Variants in ECPAS observed in about 807,000 individuals in gnomAD.
The protein encoded by ECPAS is proteasome adapter and scaffold protein ECM29.
A neutral mutation model predicts 255.1 loss-of-function variants in ECPAS; 70 were observed. That is an observed-to-expected ratio of 0.27 (90% CI 0.23 to 0.33). The LOEUF (loss-of-function observed/expected upper bound fraction) is 0.33, where lower values mean the gene tolerates loss of function less well. ECPAS is among the 10% of genes least tolerant of loss of function. The probability of loss-of-function intolerance (pLI) is 1.00; values close to 1 mark genes in which losing one functional copy is unlikely to be tolerated. For missense variants in ECPAS, 1,817 were observed against 2,206.4 expected (o/e 0.82, Z 3.54); for synonymous variants, 784 against 775.0 (o/e 1.01, Z -0.19).
intron 24 of ECPAS, among the ~76,000 whole-genome samples, chr9:111,399,301 A>G (rs137861472): frequency 6.6e-6 from 1 of 152,360 alleles, no homozygotes; most frequent in African/African-American, 2.4e-5. Flanking sequence ...AAATCAGGTG[A>G]GACATCACAG....
chr9:111,455,253 G>A (rs113191879), intron 2 of ECPAS, among the ~76,000 whole-genome samples: 7,383 of 152,258 alleles, frequency 0.048, 602 homozygotes, highest in African/African-American at 0.17. Flanking sequence ...GGGAGGCCAA[G>A]GAGGGCAGAT....
In ECPAS at chr9:111,361,569, T is replaced by A. The variant is rs2098113324; in HGVS notation, c.*461A>T. ...GGCCAGACATTAAACACCTGGGTTC[T>A]GACTTTGGCACAGGCCTCAGAAAGC... On this transcript the variant is annotated 3_prime_UTR_variant, in exon 50 of 50. Transcript: ENST00000684092. 6.6e-6 allele frequency: 1 copy of A among 152,576 alleles called. No homozygotes were observed. Among genetic ancestry groups the A allele is most frequent in the African/African-American group, 2.4e-5 (1 of 41,474 alleles). The allele number at this position is 152,576 out of a possible 1,614,324, so 9.5% of individuals were successfully genotyped here.
chr9:111,371,433 C>T (rs10521103), intron 43 of ECPAS, among the ~76,000 whole-genome samples, 188 bp downstream of exon 43: 3,613 of 152,216 alleles, frequency 0.024, 148 homozygotes, highest in African/African-American at 0.082. Flanking sequence ...CAAGGCCACA[C>T]GGGTTGCAGT....
intron 2 of ECPAS, among the ~76,000 whole-genome samples, chr9:111,456,715 T>G (rs1013412667): frequency 5.3e-5 from 8 of 152,178 alleles, no homozygotes; most frequent in Admixed American, 4.6e-4. Flanking sequence ...TCTCTCCTCC[T>G]TCAAGGCCCA....
In ECPAS at chr9:111,433,295, G is replaced by T; in HGVS notation, c.786C>A (p.Ala262=). 6.2e-7 allele frequency: 1 copy of T among 1,613,976 alleles called. No individual in the cohort carries two copies. The highest frequency in any genetic ancestry group is 8.5e-7 in the Non-Finnish European group (1 of 1,179,858). ...CCACACTGTGGCGTGTATCACTAGA[G>T]GCAATCACCAAGTGGAGAACAGCTT... ...ELEAVLHLVI[A]SSDTRHSVAT... Residue 262 remains alanine (A), a synonymous_variant, in exon 8 of 50, where the codon GCC becomes GCA. Coordinates refer to ENST00000684092, the MANE Select transcript of ECPAS (RefSeq NM_001364929.1).
At chr9:111,374,108 A>C in intron 38 of ECPAS, 70 bp from the exon 39 acceptor site, 1 of 1,219,232 alleles carries the variant, frequency 8.2e-7, no homozygotes, top group Non-Finnish European at 1.2e-6. Flanking sequence ...CCATTGGCTT[A>C]GGTGCCAAAA....
At chr9:111,438,294 T>G (rs969002045) in intron 6 of ECPAS, among the ~76,000 whole-genome samples, 4 of 152,196 alleles carry the variant, frequency 2.6e-5, no homozygotes, top group African/African-American at 9.7e-5. Flanking sequence ...TGGCATTAAG[T>G]AAATCAATCA....
At chr9:111,370,842 A>C in intron 43 of ECPAS, 77 bp from the exon 44 acceptor site, 1 of 1,352,228 alleles carries the variant, frequency 7.4e-7, no homozygotes, top group African/African-American at 1.5e-5. Context: ...GATTACAATT[A>C]CCTTAGGAAT....
At chr9:111,439,806 T>C (rs551651439) in intron 6 of ECPAS, among the ~76,000 whole-genome samples, 2 of 151,590 alleles carry the variant, frequency 1.3e-5, no homozygotes, top group Admixed American at 6.6e-5. Context: ...TGTAGAGAGA[T>C]TTGAAGAAGT....
intron 1 of ECPAS, among the ~76,000 whole-genome samples, chr9:111,477,851 C>T (rs1189091174): frequency 6.6e-6 from 1 of 151,364 alleles, no homozygotes; most frequent in Non-Finnish European, 1.5e-5. Context: ...ATAACAAATG[C>T]TAACAATAAC....
chr9:111,420,077 G>C lies in ECPAS; in HGVS notation c.1499C>G (p.Thr500Arg), dbSNP rs552829020. 21 of 1,612,582 alleles carry C rather than the reference G, an allele frequency of 1.3e-5. 1 individual carries two copies. The South Asian group carries it at 2.3e-4, about 18-fold the overall frequency. The change falls in exon 16 of 50, where the codon ACG becomes AGG. Residue 500 changes from threonine (T) to arginine (R), a missense_variant. By Grantham distance (71) the Thr-to-Arg change is moderately conservative. Coordinates refer to ENST00000684092, the MANE Select transcript of ECPAS (RefSeq NM_001364929.1). ...VRQVAVKFASTVFPSDHIPSR... is the reference protein window; with the variant it reads ...VRQVAVKFASRVFPSDHIPSR... Reference sequence around the variant, plus strand: ...AGGGATATGATCTGAGGGAAACACCGTACTGGCAAATTTCACAGCCACTTG... The same window carrying C: ...AGGGATATGATCTGAGGGAAACACCCTACTGGCAAATTTCACAGCCACTTG...
At chr9:111,407,735 C>T (rs920829937) in intron 24 of ECPAS, among the ~76,000 whole-genome samples, 3 of 152,146 alleles carry the variant, frequency 2.0e-5, no homozygotes, top group African/African-American at 4.8e-5. Context: ...TTACACCTTC[C>T]TTTGTGATTC....
intron 9 of ECPAS, among the ~76,000 whole-genome samples, chr9:111,428,600 T>C (rs1014866810): frequency 3.3e-5 from 5 of 152,188 alleles, no homozygotes; most frequent in African/African-American, 1.2e-4. Context: ...TTGAAATAAG[T>C]AACAAAAACC....
At chr9:111,383,149 A>T in intron 35 of ECPAS, 62 bp downstream of exon 35, 1 of 1,585,186 alleles carries the variant, frequency 6.3e-7, no homozygotes, top group South Asian at 1.1e-5. Context: ...TAACCTTGAA[A>T]GAAACACAAT....
At chr9:111,423,299 A>G in intron 12 of ECPAS, 51 bp from the exon 13 acceptor site, 1 of 1,308,808 alleles carries the variant, frequency 7.6e-7, no homozygotes, top group African/African-American at 1.5e-5. Context: ...AAAACAGACA[A>G]AACAAAAAAT....
chr9:111,399,159 T>C (rs1342997970), intron 24 of ECPAS, among the ~76,000 whole-genome samples: 2 of 151,922 alleles, frequency 1.3e-5, no homozygotes, highest in African/African-American at 2.4e-5. Flanking sequence ...CCCATAAATA[T>C]ATACACCCAC....
intron 2 of ECPAS, among the ~76,000 whole-genome samples, chr9:111,466,802 T>C (rs1564565360): frequency 1.3e-5 from 2 of 152,164 alleles, no homozygotes; most frequent in Admixed American, 6.6e-5. Context: ...ACCCAGCTAG[T>C]TGTTTTATTT....
chr9:111,468,653 G>T (rs1055928306), intron 2 of ECPAS, among the ~76,000 whole-genome samples: 2 of 140,992 alleles, frequency 1.4e-5, no homozygotes, highest in African/African-American at 5.0e-5. Flanking sequence ...GAGAGAGAGA[G>T]CGAGCGTGTG....
In ECPAS at chr9:111,430,575, A is replaced by T. The variant is rs1030963589; in HGVS notation, c.902T>A (p.Leu301His). ...AIINKMYKVY[L>H]GDIPLKTKEG... Reference sequence around the variant, plus strand: ...TTTTGTCTTCAGTGGTATATCTCCAAGGTACACCTTGTACATCTTATTAAT... The same window carrying T: ...TTTTGTCTTCAGTGGTATATCTCCATGGTACACCTTGTACATCTTATTAAT... Residue 301 changes from leucine to histidine, a missense_variant, in exon 9 of 50, where the codon CTT becomes CAT. Around this residue, in one of 4 missense-constraint regions of ECPAS, gnomAD observed 573 missense variants for 716.2 expected, o/e 0.80. Coordinates refer to ENST00000684092, the MANE Select transcript of ECPAS (RefSeq NM_001364929.1). 5.0e-6 allele frequency: 8 copies of T among 1,600,232 alleles called. No individual in the cohort carries two copies. The highest frequency in any genetic ancestry group is 6.8e-6 in the Non-Finnish European group (8 of 1,171,712).
Sources: allele counts gnomAD v4.1 joint callset (sites outside exome capture counted in the v4.1 genomes callset), GRCh38; gene constraint gnomAD v4.1.1; regional missense constraint gnomAD v4.1.1; transcripts MANE v1.5; gene names NCBI Gene and HGNC (gene_info 2026-07-23, HGNC 2026-07-21).